The following SHANK2 variants were observed in gnomAD, a reference collection of about 807,000 sequenced individuals.
SHANK2 encodes SH3 and multiple ankyrin repeat domains protein 2.
A neutral mutation model predicts 133.7 loss-of-function variants in SHANK2; 43 were observed. That is an observed-to-expected ratio of 0.32 (90% CI 0.25 to 0.41). The LOEUF is 0.41. SHANK2 is among the 10% of genes least tolerant of loss of function. The pLI is 1.00. For synonymous variants in SHANK2, 1,017 were observed against 952.8 expected (o/e 1.07, Z -1.24); for missense variants, 1,994 against 2,235.8 (o/e 0.89, Z 2.18).
chr11:71,074,291 G>C (rs1334076821), intron 9 of SHANK2, among the ~76,000 whole-genome samples: 1 of 152,208 alleles, frequency 6.6e-6, no homozygotes. Context: ...GAGACCCGGA[G>C]AACAGCGAAA....
intron 10 of SHANK2, among the ~76,000 whole-genome samples, chr11:70,955,551 G>A (rs1286062533): frequency 3.0e-4 from 46 of 152,146 alleles, no homozygotes; most frequent in African/African-American, 9.4e-4. Flanking sequence ...TGTACTTTAC[G>A]TGTGTATGTG....
At chr11:70,919,844 T>C (rs960828458) in intron 10 of SHANK2, among the ~76,000 whole-genome samples, 3 of 152,248 alleles carry the variant, frequency 2.0e-5, no homozygotes, top group Non-Finnish European at 4.4e-5. Flanking sequence ...GATTGCATCA[T>C]GCTTGTGCCT....
At chr11:71,085,626 T>A (rs1206852414) in intron 8 of SHANK2, among the ~76,000 whole-genome samples, 2 of 68,074 alleles carry the variant, frequency 2.9e-5, no homozygotes, top group African/African-American at 5.9e-5. Context: ...ATATTATATA[T>A]TATAATATAT....
At chr11:71,144,204 G>A (rs1301840878) in intron 3 of SHANK2, among the ~76,000 whole-genome samples, 1 of 152,134 alleles carries the variant, frequency 6.6e-6, no homozygotes, top group Non-Finnish European at 1.5e-5. Context: ...GGAGGTGGGG[G>A]AGGGAAAGTG....
chr11:70,761,491 TG>T (rs1946997203), intron 14 of SHANK2, among the ~76,000 whole-genome samples: 1 of 152,216 alleles, frequency 6.6e-6, no homozygotes, highest in Non-Finnish European at 1.5e-5. Flanking sequence ...GCACCATGTC[TG>T]CGTGGGATGA....
At chr11:71,065,052 T>C (rs908084712) in intron 9 of SHANK2, among the ~76,000 whole-genome samples, 19 of 151,772 alleles carry the variant, frequency 1.3e-4, no homozygotes, top group African/African-American at 4.6e-4. Flanking sequence ...CGCCGAGAGA[T>C]GCCACAGAAA....
intron 10 of SHANK2, among the ~76,000 whole-genome samples, chr11:70,900,602 G>A (rs770086333): frequency 6.6e-6 from 1 of 151,654 alleles, no homozygotes; most frequent in Non-Finnish European, 1.5e-5. Flanking sequence ...AGCCCTAGGA[G>A]CTTAAGCCCA....
At chr11:71,098,583 T>TG in intron 6 of SHANK2, among the ~76,000 whole-genome samples, 1 of 152,164 alleles carries the variant, frequency 6.6e-6, no homozygotes, top group East Asian at 1.9e-4. Context: ...CTGAAAGGGA[T>TG]GGGGAATGAA....
At chr11:70,506,862 C>G (rs1318295273) in intron 17 of SHANK2, among the ~76,000 whole-genome samples, 1 of 152,128 alleles carries the variant, frequency 6.6e-6, no homozygotes, top group African/African-American at 2.4e-5. Flanking sequence ...GGCTTCCTGC[C>G]CTGGCAAGCA....
chr11:70,726,347 G>A (rs922333624), intron 14 of SHANK2, among the ~76,000 whole-genome samples: 4 of 152,132 alleles, frequency 2.6e-5, no homozygotes, highest in African/African-American at 9.7e-5. Flanking sequence ...AGGAGCACCA[G>A]AAACCTCTGG....
At chr11:70,577,541 A>C (rs2136208495) in intron 17 of SHANK2, among the ~76,000 whole-genome samples, 1 of 152,322 alleles carries the variant, frequency 6.6e-6, no homozygotes, top group South Asian at 2.1e-4. Context: ...GACCACCCCC[A>C]GGCCCACAGG....
At chr11:70,544,576 ACC>A (rs1376165521) in intron 17 of SHANK2, among the ~76,000 whole-genome samples, 2 of 151,934 alleles carry the variant, frequency 1.3e-5, no homozygotes, top group African/African-American at 4.8e-5. Flanking sequence ...AGGAGGGGCC[ACC>A]CCGCCCTCAG....
intron 14 of SHANK2, among the ~76,000 whole-genome samples, chr11:70,722,454 T>G (rs1946092220): frequency 6.6e-6 from 1 of 152,246 alleles, no homozygotes; most frequent in African/African-American, 2.4e-5. Context: ...CCAACAGTTT[T>G]GGAAACAATT....
chr11:70,540,554 AC>A (rs1287012237), intron 17 of SHANK2, among the ~76,000 whole-genome samples: 1 of 111,968 alleles, frequency 8.9e-6, no homozygotes, highest in Non-Finnish European at 1.8e-5. Flanking sequence ...ACGATTAGCG[AC>A]GGGGGGTGAG....
At chr11:70,947,294 AG>A (rs1286926141) in intron 10 of SHANK2, among the ~76,000 whole-genome samples, 1 of 151,656 alleles carries the variant, frequency 6.6e-6, no homozygotes, top group African/African-American at 2.4e-5. Flanking sequence ...ATTGTGCAGT[AG>A]GGTCTGGCTG....
chr11:71,253,121 T>G (rs890992629), upstream of SHANK2, among the ~76,000 whole-genome samples: 1 of 151,058 alleles, frequency 6.6e-6, no homozygotes, highest in African/African-American at 2.4e-5. Flanking sequence ...CTCCGCCAGC[T>G]GCCCTCCAAG....
chr11:71,118,426 C>T (rs566922887), intron 4 of SHANK2, among the ~76,000 whole-genome samples: 6 of 152,030 alleles, frequency 3.9e-5, no homozygotes, highest in South Asian at 2.1e-4. Context: ...TGGTGGAAGG[C>T]GAAGGGAAAG....
chr11:71,094,585 C>G lies in SHANK2; in HGVS notation c.696G>C (p.Met232Ile). 4 of 1,551,624 alleles carry G rather than the reference C, an allele frequency of 2.6e-6. No homozygotes were observed. The highest frequency in any genetic ancestry group is 3.5e-6 in the Non-Finnish European group (4 of 1,146,964). ...CTCGGGCAGCTTTGTGTAGGGCGGTCATCCCATCTTTGGCACGGAAGTCCA... is the reference window on the plus strand; with the variant it reads ...CTCGGGCAGCTTTGTGTAGGGCGGTGATCCCATCTTTGGCACGGAAGTCCA... Reference protein sequence around the residue: ...AHLDFRAKDGMTALHKAARAR... With the variant: ...AHLDFRAKDGITALHKAARAR... The change falls in exon 7 of 26, where the codon ATG becomes ATC. Residue 232 changes from methionine (M) to isoleucine (I), a missense_variant. Coordinates refer to ENST00000601538, the MANE Select transcript of SHANK2 (RefSeq NM_012309.5).
At chr11:70,827,690 AACACACACACACACACACACACACAC>A (rs113156725) in intron 11 of SHANK2, among the ~76,000 whole-genome samples, 1 of 130,458 alleles carries the variant, frequency 7.7e-6, no homozygotes, top group Non-Finnish European at 1.6e-5. Flanking sequence ...AGAAATTTAA[AACACACACACACACACACACACACAC>A]ACACACACAC....
Sources: allele counts gnomAD v4.1 joint callset (sites outside exome capture counted in the v4.1 genomes callset), GRCh38; gene constraint gnomAD v4.1.1; transcripts MANE v1.5; gene names NCBI Gene and HGNC (gene_info 2026-07-23, HGNC 2026-07-21).